KLF13: variants seen among roughly 807,000 people sequenced by gnomAD.
KLF13 encodes the protein KLF transcription factor 13, also known as Krueppel-like factor 13.
A neutral mutation model predicts 16.7 loss-of-function variants in KLF13; 8 were observed. That is an observed-to-expected ratio of 0.48 (90% CI 0.28 to 0.87). KLF13 has a LOEUF of 0.87. KLF13 is among the 40% of genes least tolerant of loss of function. The pLI is 0.10. For missense variants in KLF13, 447 were observed against 452.2 expected, an observed-to-expected ratio of 0.99 and a Z score of 0.10; for synonymous variants, 245 against 208.4, an observed-to-expected ratio of 1.18 and a Z score of -1.51.
chr15:31,431,547 C>T (rs537979302), intron 1 of KLF13, among the ~76,000 whole-genome samples: 1 of 152,212 alleles, frequency 6.6e-6, no homozygotes, highest in East Asian at 1.9e-4. Context: ...TCACTGCAAC[C>T]TCCGCCTCCC....
downstream of KLF13, among the ~76,000 whole-genome samples, chr15:31,380,364 C>T (rs758018129): frequency 2.6e-5 from 4 of 152,206 alleles, no homozygotes; most frequent in Admixed American, 1.3e-4. Context: ...AGCACCCTGT[C>T]GCTGGAGGCA....
rs1491276239 is a variant in KLF13, at chr15:31,423,121, ACG to A, written n.118-12248_118-12247del. Among the ~76,000 whole-genome samples the A allele has an allele frequency of 2.8e-4, 36 of 129,934 alleles. 11 individuals carry two copies. Among genetic ancestry groups the A allele is most frequent in the African/African-American group, 1.1e-3 (31 of 28,528 alleles). 85.2% of individuals were successfully genotyped at this position (129,934 alleles called of 152,430 possible). The stretch of plus-strand genomic sequence containing the variant: ...TATACGTATACGTATACGTATATAT[ACG>A]TATATATACGTATACGTATACGTAT... On this transcript the variant is annotated intron_variant and non_coding_transcript_variant, in intron 1 of 1. Coordinates refer to the KLF13 transcript ENST00000558225.
At chr15:31,388,702 T>C (rs527270594), upstream of KLF13, among the ~76,000 whole-genome samples, 12 of 150,752 alleles carry the variant, frequency 8.0e-5, no homozygotes, top group Non-Finnish European at 1.3e-4. Flanking sequence ...GTAATTTGAT[T>C]GTTGGTTTTA....
In KLF13 at chr15:31,375,614, G is replaced by A. The variant is rs562826129; in HGVS notation, c.*3315G>A. On this transcript the variant is annotated 3_prime_UTR_variant, in exon 2 of 2. Coordinates refer to ENST00000307145, the MANE Select transcript of KLF13 (RefSeq NM_015995.4). ...TGATCTGGGGCTCAGCCATCAAGGG[G>A]CTGGTGTTGCTCCTGTCCCAGACAA... 2 of 152,264 alleles carry A rather than the reference G, an allele frequency of 1.3e-5. No individual in the cohort carries two copies. The highest frequency in any genetic ancestry group is 4.8e-5 in the African/African-American group (2 of 41,566). 9.4% of individuals were successfully genotyped at this position (152,264 alleles called of 1,614,324 possible).
At chr15:31,396,121 G>A (rs1193792881) in intron 2 of KLF13, among the ~76,000 whole-genome samples, 4 of 152,150 alleles carry the variant, frequency 2.6e-5, no homozygotes, top group Non-Finnish European at 4.4e-5. Flanking sequence ...CGTCTCCTGG[G>A]TTCAAGAGAT....
chr15:31,391,245 G>T, upstream of KLF13, among the ~76,000 whole-genome samples: 1 of 116,492 alleles, frequency 8.6e-6, no homozygotes, highest in Non-Finnish European at 1.8e-5. Flanking sequence ...AGGCTGTGGG[G>T]GTGGGTGCTG....
At chr15:31,348,116 G>A (rs1010315364) in intron 1 of KLF13, among the ~76,000 whole-genome samples, 3 of 152,232 alleles carry the variant, frequency 2.0e-5, no homozygotes, top group Non-Finnish European at 4.4e-5. Context: ...GTGGAGGAAA[G>A]TGGAAAACAC....
At chr15:31,423,167 A>ATATGTATACG (rs1555383372) in intron 1 of KLF13, among the ~76,000 whole-genome samples, 1 of 107,286 alleles carries the variant, frequency 9.3e-6, no homozygotes, top group Admixed American at 9.0e-5. Flanking sequence ...ATATATATGT[A>ATATGTATACG]TATATATACA....
At chr15:31,388,966 A>G (rs567627707), upstream of KLF13, among the ~76,000 whole-genome samples, 1 of 151,408 alleles carries the variant, frequency 6.6e-6, no homozygotes, top group African/African-American at 2.4e-5. Context: ...TTTGTGATTT[A>G]TGAGTATTTG....
In KLF13 at chr15:31,327,770, G is replaced by T. The variant is rs1406148215; in HGVS notation, c.558G>T (p.Ala186=). The T allele has an allele frequency of 2.0e-6, 3 of 1,528,840 alleles. No individual in the cohort carries two copies. The highest frequency in any genetic ancestry group is 3.8e-5 in the Admixed American group (2 of 53,176). 94.7% of individuals were successfully genotyped at this position (1,528,840 alleles called of 1,614,324 possible). A position where few individuals can be genotyped will look rare whatever the true frequency, so the allele number is the denominator to read the frequency against. ...KVYGKSSHLK[A]HLRTHTGERP... is the part of the protein sequence containing the mutation. Reference sequence around the variant, plus strand: ...ACGGGAAATCTTCGCACCTCAAGGCGCACCTGAGAACTCACACAGGTCAGT... The same window carrying T: ...ACGGGAAATCTTCGCACCTCAAGGCTCACCTGAGAACTCACACAGGTCAGT... Residue 186 remains alanine (A), a synonymous_variant, in exon 1 of 2, where the codon GCG becomes GCT. Coordinates refer to ENST00000307145, the MANE Select transcript of KLF13 (RefSeq NM_015995.4).
At chr15:31,406,202 C>T (rs915664869), downstream of KLF13, among the ~76,000 whole-genome samples, 2 of 152,132 alleles carry the variant, frequency 1.3e-5, no homozygotes, top group Admixed American at 6.5e-5. Flanking sequence ...CTGATAGGCC[C>T]GGCACAGTGG....
chr15:31,347,725 AT>A (rs2039147205), intron 1 of KLF13, among the ~76,000 whole-genome samples: 1 of 152,214 alleles, frequency 6.6e-6, no homozygotes, highest in Admixed American at 6.5e-5. Flanking sequence ...CCATCCTGCC[AT>A]CCTGTGGCAG....
At chr15:31,328,542 C>T (rs866836959) in intron 1 of KLF13, among the ~76,000 whole-genome samples, 1 of 151,884 alleles carries the variant, frequency 6.6e-6, no homozygotes. Flanking sequence ...ATGCCCTGGC[C>T]GCTGCCCATC....
rs924856518 is a variant in KLF13, at chr15:31,363,385, G to A, written c.578-8625G>A. Among the ~76,000 whole-genome samples the A allele has an allele frequency of 2.0e-5, 3 of 152,218 alleles. No individual in the cohort carries two copies. In the East Asian group the frequency reaches 5.8e-4, roughly 29 times the overall value. On this transcript the variant is annotated intron_variant, in intron 1 of 1. Transcript: ENST00000307145. ...TGGAGATTAGCCGTTTGTGATAGGA[G>A]CTGCAAATATTTTTTCTCTCAGTTT...
intron 1 of KLF13, among the ~76,000 whole-genome samples, chr15:31,365,382 C>T (rs969300223): frequency 2.4e-4 from 36 of 152,164 alleles, no homozygotes; most frequent in African/African-American, 8.7e-4. Flanking sequence ...GTAGGAGTTG[C>T]ATTTCTTCCC....
chr15:31,350,099 C>T (rs1489453156), intron 1 of KLF13, among the ~76,000 whole-genome samples: 2 of 152,234 alleles, frequency 1.3e-5, no homozygotes, highest in Non-Finnish European at 2.9e-5. Flanking sequence ...CCCTAACCCT[C>T]GGCCATTCCA....
At chr15:31,340,112 GT>G (rs2038997361) in intron 1 of KLF13, 2 of 694,098 alleles carry the variant, frequency 2.9e-6, no homozygotes, top group South Asian at 3.0e-5. Context: ...TCTCGTCTTC[GT>G]TGTAGGCCTG....
intron 2 of KLF13, among the ~76,000 whole-genome samples, chr15:31,395,679 C>A (rs958583654): frequency 2.0e-5 from 3 of 152,166 alleles, no homozygotes; most frequent in African/African-American, 7.2e-5. Context: ...TCATAGCCAT[C>A]GTCACGGATG....
chr15:31,432,186 C>T (rs925907678), intron 1 of KLF13, among the ~76,000 whole-genome samples: 1 of 152,104 alleles, frequency 6.6e-6, no homozygotes, highest in Non-Finnish European at 1.5e-5. Context: ...AGGAAGGTTG[C>T]TGGAAGGGGA....
Sources: gnomAD v4.1 joint callset for allele counts (sites outside exome capture counted in the v4.1 genomes callset) on GRCh38, gnomAD v4.1.1 for gene constraint, MANE v1.5 for transcripts, NCBI Gene and HGNC (gene_info 2026-07-23, HGNC 2026-07-21) for gene names.